NASP: variants seen among roughly 807,000 people sequenced by gnomAD.
NASP encodes nuclear autoantigenic sperm protein.
Under a neutral mutation model 89.5 loss-of-function variants are expected in NASP, and 24 were observed. That is an observed-to-expected ratio of 0.27 (90% CI 0.19 to 0.38). NASP has a LOEUF of 0.38. NASP is among the 10% of genes least tolerant of loss of function. The pLI, the probability that NASP is intolerant of heterozygous loss-of-function variation, is 1.00. For synonymous variants in NASP, 306 were observed against 324.7 expected (o/e 0.94, Z 0.62); for missense variants, 848 against 921.4 (o/e 0.92, Z 1.03).
Position 45,608,085 on chromosome 1 carries a change from A to C in NASP, c.1174A>C (p.Ile392Leu). ...GPSVVGDQTP[I>L]EPQTSIERLT... ...GTCAGTTGTAGGAGATCAGACTCCT[A>C]TTGAACCACAGACTTCTATAGAAAG... is the stretch of plus-strand genomic sequence containing the variant. The change falls in exon 6 of 15, where the codon ATT becomes CTT. Residue 392 changes from isoleucine (I) to leucine (L), a missense_variant. By Grantham distance (5) the Ile-to-Leu change is conservative (BLOSUM62 2). Coordinates refer to ENST00000350030, the MANE Select transcript of NASP (RefSeq NM_002482.4). The C allele has an allele frequency of 6.2e-7, 1 of 1,614,036 alleles. No individual in the cohort carries two copies. Among genetic ancestry groups the C allele is most frequent in the South Asian group, 1.1e-5 (1 of 91,074 alleles).
At chr1:45,593,273 C>T (rs1643597504) in intron 2 of NASP, among the ~76,000 whole-genome samples, 2 of 152,150 alleles carry the variant, frequency 1.3e-5, no homozygotes, top group Non-Finnish European at 1.5e-5. Context: ...TGGCTCATGT[C>T]TGTAATCCCA....
Position 45,606,518 on chromosome 1 carries a change from T to A in NASP, c.336T>A (p.Gly112=). The change falls in exon 5 of 15, where the codon GGT becomes GGA. Residue 112 remains glycine, a synonymous_variant. Transcript: ENST00000350030. ...GTGTGTTGGGAAACGCCTTGGAAGG[T>A]GTGCATGTGGAAGAGGAAGAAGGAG... ...ENGVLGNALE[G]VHVEEEEGEK... The A allele has an allele frequency of 3.1e-6, 5 of 1,613,924 alleles. No homozygotes were observed. The highest frequency in any genetic ancestry group is 4.2e-6 in the Non-Finnish European group (5 of 1,179,844).
intron 1 of NASP, among the ~76,000 whole-genome samples, chr1:45,590,878 T>C (rs1643531842): frequency 6.6e-6 from 1 of 152,142 alleles, no homozygotes; most frequent in South Asian, 2.1e-4. Context: ...TCGATATACA[T>C]GACTGGCTGT....
intron 2 of NASP, among the ~76,000 whole-genome samples, chr1:45,595,188 T>TGTGTGTGTGTGTG (rs1557653283): frequency 3.1e-5 from 4 of 129,660 alleles, no homozygotes; most frequent in East Asian, 2.2e-4. Context: ...TGTGTGTGTG[T>TGTGTGTGTGTGTG]TTTAGAGACA....
intron 9 of NASP, among the ~76,000 whole-genome samples, chr1:45,614,651 G>A (rs1053187667): frequency 1.3e-5 from 2 of 152,242 alleles, no homozygotes; most frequent in Middle Eastern, 6.8e-3. Context: ...CGATTCTCCT[G>A]CCTCAGGCTC....
chr1:45,617,884 C>G (rs1032350806), intron 14 of NASP, among the ~76,000 whole-genome samples, 177 bp from the exon 15 acceptor site: 2 of 152,244 alleles, frequency 1.3e-5, no homozygotes, highest in African/African-American at 4.8e-5. Context: ...TTGGCTCTGT[C>G]AGCCCCATTA....
At chr1:45,596,585 G>A (rs1402921720) in intron 2 of NASP, among the ~76,000 whole-genome samples, 1 of 152,220 alleles carries the variant, frequency 6.6e-6, no homozygotes, top group African/African-American at 2.4e-5. Context: ...TTGGGTTTAT[G>A]TAATCGTTCA....
At chr1:45,587,671 T>TATATATATATATATACAC (rs1553169255) in intron 1 of NASP, among the ~76,000 whole-genome samples, 2 of 68,892 alleles carry the variant, frequency 2.9e-5, no homozygotes, top group African/African-American at 1.2e-4. Flanking sequence ...CATATATATA[T>TATATATATATATATACAC]ATATATATAT....
intron 1 of NASP, among the ~76,000 whole-genome samples, chr1:45,588,239 G>A (rs1644586336): frequency 6.6e-6 from 1 of 151,932 alleles, no homozygotes; most frequent in Non-Finnish European, 1.5e-5. Context: ...AAGTAGTTGG[G>A]ATTACAGGCG....
In NASP at chr1:45,618,271, T is replaced by C. The variant is rs1381645265; in HGVS notation, c.*130T>C. On this transcript the variant is annotated 3_prime_UTR_variant, in exon 15 of 15. Coordinates refer to ENST00000350030, the MANE Select transcript of NASP (RefSeq NM_002482.4). ...AAGGTTGAGGCTTTGATGGTTTTTT[T>C]CTTAATTATTGGCTGAATCTGCCTT... The C allele has an allele frequency of 6.7e-6, 5 of 747,236 alleles. No homozygotes were observed. The highest frequency in any genetic ancestry group is 1.8e-5 in the South Asian group (1 of 54,514). 46.3% of individuals were successfully genotyped at this position (747,236 alleles called of 1,614,324 possible). A position where few individuals can be genotyped will look rare whatever the true frequency, so the allele number is the denominator to read the frequency against.
At chr1:45,609,726 T>TA (rs1478729815) in intron 6 of NASP, 3 of 152,340 alleles carry the variant, frequency 2.0e-5, no homozygotes, top group South Asian at 4.1e-4. Flanking sequence ...AAAACAATAC[T>TA]ATGTGATAGG....
intron 2 of NASP, among the ~76,000 whole-genome samples, chr1:45,596,635 A>G (rs556206765): frequency 6.6e-6 from 1 of 152,326 alleles, no homozygotes; most frequent in East Asian, 1.9e-4. Context: ...CTGGTTTTTA[A>G]TGTACCAGTA....
intron 1 of NASP, among the ~76,000 whole-genome samples, chr1:45,584,537 G>T (rs908099618): frequency 1.3e-5 from 2 of 152,246 alleles, no homozygotes; most frequent in African/African-American, 4.8e-5. Flanking sequence ...CTGGCGCGCG[G>T]GTTGGCCTTC....
chr1:45,614,969 T>C (rs1378337955), intron 9 of NASP, 44 bp from the exon 10 acceptor site: 1 of 1,539,820 alleles, frequency 6.5e-7, no homozygotes, highest in Admixed American at 1.8e-5. Flanking sequence ...GTATTTTATG[T>C]TGAATGCTGT....
intron 1 of NASP, among the ~76,000 whole-genome samples, chr1:45,584,456 G>A (rs1044593287): frequency 1.3e-5 from 2 of 152,192 alleles, no homozygotes; most frequent in Admixed American, 6.5e-5. Context: ...CGGGGGCAGC[G>A]GCGGCTGTAT....
chr1:45,610,952 AG>A (rs1179123999), intron 6 of NASP: 9 of 152,510 alleles, frequency 5.9e-5, no homozygotes, highest in African/African-American at 2.2e-4. Context: ...TCCTGACCTC[AG>A]GTGATCCACT....
chr1:45,605,035 A>G lies in NASP; in HGVS notation c.299+19A>G. 1 of 1,563,390 alleles carries G rather than the reference A, an allele frequency of 6.4e-7. No individual in the cohort carries two copies. Among genetic ancestry groups the G allele is most frequent in the Non-Finnish European group, 8.8e-7 (1 of 1,134,824 alleles). On this transcript the variant is annotated intron_variant, in intron 4 of 14. Transcript: ENST00000350030. ...TGGCAAGGTATGGATGTTGTATTTA[A>G]AAACTGAAGTTTCCTTGTTAAGATT...
intron 3 of NASP, among the ~76,000 whole-genome samples, chr1:45,603,200 A>G (rs1643873040): frequency 6.6e-6 from 1 of 152,128 alleles, no homozygotes; most frequent in African/African-American, 2.4e-5. Flanking sequence ...ATGTACCTCC[A>G]TTATCTGAGA....
rs546656039 is a variant in NASP at position 45,615,365 on chromosome 1, T to G, written c.1916T>G (p.Ile639Ser). 6.2e-7 allele frequency: 1 copy of G among 1,614,036 alleles called. No homozygotes were observed. Among genetic ancestry groups the G allele is most frequent in the East Asian group, 2.2e-5 (1 of 44,888 alleles). The change falls in exon 11 of 15, where the codon ATT becomes AGT. Residue 639 changes from isoleucine to serine, a missense_variant. By Grantham distance (142) the Ile-to-Ser change is moderately radical. This residue lies in a region of NASP where 218 missense variants were observed against 219.6 expected (regional missense o/e 0.99). Transcript: ENST00000350030. ...EGSSAEYKKEIEELKELLPEI... is the reference protein window; with the variant it reads ...EGSSAEYKKESEELKELLPEI... The stretch of plus-strand genomic sequence containing the variant: ...TCGTCTGCTGAATACAAGAAAGAAA[T>G]TGAGGAACTAAAGGAACTGCTACCC...
Sources: gnomAD v4.1 joint callset for allele counts (sites outside exome capture counted in the v4.1 genomes callset) on GRCh38, gnomAD v4.1.1 for gene constraint, gnomAD v4.1.1 regional missense constraint, MANE v1.5 for transcripts, NCBI Gene and HGNC (gene_info 2026-07-23, HGNC 2026-07-21) for gene names.